PRKCE: variants seen among roughly 807,000 people sequenced by gnomAD.
The protein encoded by PRKCE is protein kinase C epsilon, also known as protein kinase C epsilon type.
Under a neutral mutation model 85.4 loss-of-function variants are expected in PRKCE, and 16 were observed. That is an observed-to-expected ratio of 0.19 (90% CI 0.13 to 0.28). The LOEUF (loss-of-function observed/expected upper bound fraction) is 0.28, where lower values mean the gene tolerates loss of function less well. PRKCE is among the 10% of genes least tolerant of loss of function. PRKCE has a pLI of 1.00. For missense variants in PRKCE, 573 were observed against 975.2 expected (o/e 0.59, Z 5.49); for synonymous variants, 388 against 371.5 (o/e 1.04, Z -0.51).
intron 1 of PRKCE, among the ~76,000 whole-genome samples, chr2:45,682,263 C>T (rs1676962794): frequency 6.6e-6 from 1 of 151,998 alleles, no homozygotes; most frequent in South Asian, 2.1e-4. Context: ...TTACAGATAA[C>T]ATGATTTCTT....
intron 1 of PRKCE, among the ~76,000 whole-genome samples, chr2:45,717,947 T>G (rs952347693): frequency 2.1e-4 from 32 of 152,222 alleles, no homozygotes; most frequent in African/African-American, 7.7e-4. Context: ...AGGCTCCTTT[T>G]ATATATGAGC....
intron 2 of PRKCE, among the ~76,000 whole-genome samples, chr2:45,975,323 A>G (rs764995031): frequency 2.0e-5 from 3 of 152,194 alleles, no homozygotes; most frequent in Non-Finnish European, 2.9e-5. Context: ...TCAGACTGCA[A>G]TAACAAAATA....
At chr2:45,958,522 AAAG>A (rs1220329271) in intron 2 of PRKCE, among the ~76,000 whole-genome samples, 31 of 142,940 alleles carry the variant, frequency 2.2e-4, no homozygotes, top group Middle Eastern at 3.5e-3. Flanking sequence ...AAAAAAAAAA[AAAG>A]AAAGAAAATC....
chr2:46,169,927 C>T (rs755241356), intron 14 of PRKCE, among the ~76,000 whole-genome samples: 1 of 152,206 alleles, frequency 6.6e-6, no homozygotes, highest in Non-Finnish European at 1.5e-5. Flanking sequence ...CCCACTGTTA[C>T]TGTCTGTGAG....
chr2:45,700,698 A>C (rs948449735), intron 1 of PRKCE: 1 of 152,194 alleles, frequency 6.6e-6, no homozygotes, highest in Non-Finnish European at 1.5e-5. Context: ...TTGAAATCTT[A>C]ATCCCCCCGT....
chr2:45,962,927 G>C (rs573264413), intron 2 of PRKCE, among the ~76,000 whole-genome samples: 59 of 152,298 alleles, frequency 3.9e-4, no homozygotes, highest in Admixed American at 1.6e-3. Flanking sequence ...GTTTTGGTCA[G>C]TCTCAGTGGA....
chr2:45,778,329 G>A (rs1685918899), intron 1 of PRKCE, among the ~76,000 whole-genome samples: 1 of 152,144 alleles, frequency 6.6e-6, no homozygotes, highest in South Asian at 2.1e-4. Flanking sequence ...TTGCTTCTCT[G>A]GAGACTGATG....
intron 2 of PRKCE, among the ~76,000 whole-genome samples, chr2:45,974,427 G>A (rs1702303713): frequency 6.6e-6 from 1 of 152,144 alleles, no homozygotes; most frequent in South Asian, 2.1e-4. Flanking sequence ...TGAAACCCAG[G>A]TGGGCTAGGG....
chr2:46,174,514 G>A (rs890099185), intron 14 of PRKCE, among the ~76,000 whole-genome samples: 1 of 152,032 alleles, frequency 6.6e-6, no homozygotes, highest in Admixed American at 6.6e-5. Flanking sequence ...CAAAGACCTG[G>A]GACCCCTGGG....
intron 10 of PRKCE, among the ~76,000 whole-genome samples, chr2:46,017,947 C>T (rs1405067473): frequency 6.6e-6 from 1 of 152,192 alleles, no homozygotes; most frequent in Non-Finnish European, 1.5e-5. Flanking sequence ...GTCCTCCTGT[C>T]CAAATTCTCC....
At chr2:46,102,828 A>G (rs1671364705) in intron 11 of PRKCE, among the ~76,000 whole-genome samples, 1 of 152,238 alleles carries the variant, frequency 6.6e-6, no homozygotes, top group South Asian at 2.1e-4. Flanking sequence ...ATCACATCAA[A>G]GGTCCATACT....
At chr2:45,740,160 A>AAAAAG (rs1682435286) in intron 1 of PRKCE, among the ~76,000 whole-genome samples, 1 of 151,352 alleles carries the variant, frequency 6.6e-6, no homozygotes, top group African/African-American at 2.4e-5. Context: ...AAAAAAAAAA[A>AAAAAG]GGACTTATTC....
At chr2:45,901,794 C>T (rs555530306) in intron 2 of PRKCE, among the ~76,000 whole-genome samples, 5 of 152,306 alleles carry the variant, frequency 3.3e-5, no homozygotes, top group African/African-American at 1.2e-4. Context: ...CAGTTGAATT[C>T]TTGGAAGTCT....
intron 1 of PRKCE, among the ~76,000 whole-genome samples, chr2:45,815,251 T>G (rs890906850): frequency 3.3e-5 from 5 of 152,214 alleles, no homozygotes; most frequent in African/African-American, 1.2e-4. Context: ...TAATTTTTTT[T>G]TACAATGTTT....
At chr2:45,891,288 C>G (rs998957499) in intron 2 of PRKCE, among the ~76,000 whole-genome samples, 7 of 152,066 alleles carry the variant, frequency 4.6e-5, no homozygotes, top group African/African-American at 1.4e-4. Context: ...TAATGTACCC[C>G]CTAGGGTTGC....
chr2:46,032,861 T>A (rs1005863762), intron 10 of PRKCE, among the ~76,000 whole-genome samples: 2 of 152,230 alleles, frequency 1.3e-5, no homozygotes, highest in African/African-American at 4.8e-5. Flanking sequence ...CAGCTGAGAC[T>A]TCCACATCTG....
chr2:45,878,722 TA>T (rs1694660313), intron 2 of PRKCE, among the ~76,000 whole-genome samples: 1 of 152,222 alleles, frequency 6.6e-6, no homozygotes, highest in Admixed American at 6.5e-5. Context: ...CTCACTTTTT[TA>T]AAACAGCAGA....
At chr2:46,061,414 A>G (rs1336733767) in intron 10 of PRKCE, among the ~76,000 whole-genome samples, 1 of 139,142 alleles carries the variant, frequency 7.2e-6, no homozygotes, top group Non-Finnish European at 1.5e-5. Context: ...CCTGGCCTTT[A>G]ACAATTTTTT....
chr2:46,013,634 ACT>A (rs1198993108), intron 10 of PRKCE, among the ~76,000 whole-genome samples: 1 of 152,148 alleles, frequency 6.6e-6, no homozygotes, highest in African/African-American at 2.4e-5. Flanking sequence ...TTCCACTAAG[ACT>A]CTGATACAAC....
Sources: allele counts gnomAD v4.1 joint callset (sites outside exome capture counted in the v4.1 genomes callset), GRCh38; gene constraint gnomAD v4.1.1; transcripts MANE v1.5; gene names NCBI Gene and HGNC (gene_info 2026-07-23, HGNC 2026-07-21).